Variants in PTPRD observed in about 807,000 individuals in gnomAD.
PTPRD encodes receptor-type tyrosine-protein phosphatase delta.
PTPRD carries 34 observed loss-of-function variants against 214.5 expected under a neutral mutation model. The ratio of observed to expected loss-of-function variants is 0.16; its 90% CI spans 0.12 to 0.21. The LOEUF is 0.21. Ranked by LOEUF, PTPRD falls within the 10% of genes least tolerant of loss-of-function variation. The probability of loss-of-function intolerance (pLI) is 1.00; values close to 1 mark genes in which losing one functional copy is unlikely to be tolerated. For synonymous variants in PTPRD, 1,128 were observed against 845.7 expected, an observed-to-expected ratio of 1.33 and a Z score of -5.79; for missense variants, 2,545 against 2,398.7, an observed-to-expected ratio of 1.06 and a Z score of -1.27.
intron 36 of PTPRD, among the ~76,000 whole-genome samples, chr9:8,398,034 G>A (rs1414488591): frequency 1.3e-5 from 2 of 152,092 alleles, no homozygotes; most frequent in Non-Finnish European, 2.9e-5. Flanking sequence ...TTGCATTACA[G>A]AGTACTTCAA....
intron 12 of PTPRD, among the ~76,000 whole-genome samples, chr9:8,675,050 G>A (rs4742529): frequency 0.031 from 4,723 of 151,970 alleles, 153 homozygotes; most frequent in African/African-American, 0.076. Flanking sequence ...GTAAATACAT[G>A]TCAACATCCA....
intron 4 of PTPRD, among the ~76,000 whole-genome samples, chr9:9,962,174 C>A (rs2094408102): frequency 6.6e-6 from 1 of 151,874 alleles, no homozygotes; most frequent in African/African-American, 2.4e-5. Context: ...AATCACAAAC[C>A]AAGCAATGAA....
At chr9:9,358,737 C>T (rs571364759) in intron 9 of PTPRD, among the ~76,000 whole-genome samples, 7 of 151,266 alleles carry the variant, frequency 4.6e-5, no homozygotes, top group South Asian at 2.1e-4. Context: ...GAAGGGCCTG[C>T]GCCTGAATCA....
intron 35 of PTPRD, among the ~76,000 whole-genome samples, chr9:8,424,506 G>C (rs937272260): frequency 6.6e-6 from 1 of 152,134 alleles, no homozygotes. Flanking sequence ...TCCGAAGAAT[G>C]TCTGGCACAT....
chr9:9,541,942 A>G (rs887258337), intron 8 of PTPRD, among the ~76,000 whole-genome samples: 1 of 151,784 alleles, frequency 6.6e-6, no homozygotes, highest in African/African-American at 2.4e-5. Context: ...CTAGAGAAAG[A>G]AGTTAGCAGA....
chr9:8,676,934 C>T (rs910756277), intron 12 of PTPRD, among the ~76,000 whole-genome samples: 2 of 151,906 alleles, frequency 1.3e-5, no homozygotes, highest in African/African-American at 4.8e-5. Context: ...CAGTAGGCAC[C>T]CAAAATAAGT....
chr9:8,907,503 G>C (rs1281504255), intron 11 of PTPRD, among the ~76,000 whole-genome samples: 2 of 115,908 alleles, frequency 1.7e-5, no homozygotes, highest in African/African-American at 3.3e-5. Flanking sequence ...AGGTAACAGA[G>C]TGAGACTCCG....
chr9:9,897,321 C>G (rs1566097021), intron 5 of PTPRD, among the ~76,000 whole-genome samples: 1 of 151,784 alleles, frequency 6.6e-6, no homozygotes, highest in Non-Finnish European at 1.5e-5. Context: ...TACTTTAAAC[C>G]AAAGAATATA....
At chr9:9,388,597 A>C (rs1045889921) in intron 9 of PTPRD, among the ~76,000 whole-genome samples, 1 of 152,176 alleles carries the variant, frequency 6.6e-6, no homozygotes, top group Non-Finnish European at 1.5e-5. Context: ...GCTTCATTCA[A>C]TCACAGGCTT....
intron 12 of PTPRD, among the ~76,000 whole-genome samples, chr9:8,721,581 T>G (rs2098499169): frequency 6.6e-6 from 1 of 152,162 alleles, no homozygotes; most frequent in Admixed American, 6.5e-5. Flanking sequence ...CATAAAATAG[T>G]TTATAATAAT....
At chr9:10,134,544 T>A (rs1187910825) in intron 3 of PTPRD, among the ~76,000 whole-genome samples, 1 of 152,120 alleles carries the variant, frequency 6.6e-6, no homozygotes, top group African/African-American at 2.4e-5. Context: ...CAAAACCATT[T>A]TTTTTCCAGC....
chr9:8,794,365 G>A (rs760175627), intron 11 of PTPRD, among the ~76,000 whole-genome samples: 27 of 152,208 alleles, frequency 1.8e-4, no homozygotes, highest in Admixed American at 4.6e-4. Context: ...ACTGCTGCCC[G>A]TTAGGTTACA....
chr9:10,404,065 T>C (rs577795445), intron 2 of PTPRD, among the ~76,000 whole-genome samples: 12 of 151,874 alleles, frequency 7.9e-5, no homozygotes, highest in Admixed American at 6.6e-5. Flanking sequence ...TGGTCACTGT[T>C]GGACAGGCCA....
chr9:10,085,859 T>C (rs1168160331), intron 3 of PTPRD, among the ~76,000 whole-genome samples: 2 of 151,888 alleles, frequency 1.3e-5, no homozygotes, highest in Non-Finnish European at 2.9e-5. Context: ...GTAAATGTTT[T>C]TCAGTATATT....
chr9:9,333,671 G>C (rs7871845), intron 9 of PTPRD, among the ~76,000 whole-genome samples: 7,736 of 151,260 alleles, frequency 0.051, 685 homozygotes, highest in African/African-American at 0.18. Flanking sequence ...ATGTAATCTT[G>C]AACGTGCCAC....
At chr9:10,199,911 G>GCACACACACACACA (rs772202474) in intron 3 of PTPRD, among the ~76,000 whole-genome samples, 1 of 82,840 alleles carries the variant, frequency 1.2e-5, no homozygotes, top group Non-Finnish European at 2.6e-5. Context: ...GCGCACACAC[G>GCACACACACACACA]CACACACACA....
chr9:8,657,886 C>G lies in PTPRD; in HGVS notation c.65-21042G>C, dbSNP rs1254330962. Among the ~76,000 whole-genome samples the G allele has an allele frequency of 3.3e-5, 5 of 152,088 alleles. No homozygotes were observed. In the South Asian group the frequency reaches 1.0e-3, roughly 32 times the overall value. ...GATCATAACAATTTAGATTTCATTT[C>G]AAATTATTTCTTATAATAATGTTTT... On this transcript the variant is annotated intron_variant, in intron 12 of 45. Coordinates refer to ENST00000381196, the MANE Select transcript of PTPRD (RefSeq NM_002839.4).
chr9:9,693,890 T>G (rs147910153), intron 7 of PTPRD, among the ~76,000 whole-genome samples: 1 of 152,338 alleles, frequency 6.6e-6, no homozygotes, highest in African/African-American at 2.4e-5. Context: ...GAGACTCTGT[T>G]GCATTCTTCA....
chr9:9,928,485 G>A (rs2085134075), intron 5 of PTPRD, among the ~76,000 whole-genome samples: 1 of 151,848 alleles, frequency 6.6e-6, no homozygotes, highest in South Asian at 2.1e-4. Flanking sequence ...TTAAAAGGAG[G>A]GAATTTTCTT....
Sources: gnomAD v4.1 joint callset for allele counts (sites outside exome capture counted in the v4.1 genomes callset) on GRCh38, gnomAD v4.1.1 for gene constraint, MANE v1.5 for transcripts, NCBI Gene and HGNC (gene_info 2026-07-23, HGNC 2026-07-21) for gene names.